RYR2: variants seen among roughly 807,000 people sequenced by gnomAD.
The protein encoded by RYR2 is cardiac muscle ryanodine receptor-calcium release channel.
A neutral mutation model predicts 601.1 loss-of-function variants in RYR2; 227 were observed. The ratio of observed to expected loss-of-function variants is 0.38; its 90% CI spans 0.34 to 0.42. The LOEUF is 0.42. Ranked by LOEUF, RYR2 falls within the 10% of genes least tolerant of loss-of-function variation. The probability of loss-of-function intolerance (pLI) is 1.00; values close to 1 mark genes in which losing one functional copy is unlikely to be tolerated. For synonymous variants in RYR2, 2,223 were observed against 2,175.1 expected (o/e 1.02, Z -0.61); for missense variants, 4,646 against 6,156.5 (o/e 0.75, Z 8.21).
intron 10 of RYR2, among the ~76,000 whole-genome samples, chr1:237,406,197 TCCCTCCCCTCCCTTC>T (rs1703871383): frequency 2.3e-5 from 1 of 43,978 alleles, no homozygotes; most frequent in Non-Finnish European, 3.8e-5. Flanking sequence ...CCCCTTCCCT[TCCCTCCCCTCCCTTC>T]CCCTCCCCTC....
At chr1:237,150,494 G>A (rs532244986) in intron 1 of RYR2, among the ~76,000 whole-genome samples, 18 of 152,242 alleles carry the variant, frequency 1.2e-4, no homozygotes, top group African/African-American at 4.3e-4. Context: ...CATGTGGAAA[G>A]CCCCTGAAGA....
chr1:237,657,930 T>C lies in RYR2; in HGVS notation c.8130-14T>C. 1 of 1,408,396 alleles carries C rather than the reference T, an allele frequency of 7.1e-7. No homozygotes were observed. Among genetic ancestry groups the C allele is most frequent in the Non-Finnish European group, 9.6e-7 (1 of 1,037,648 alleles). 87.2% of individuals were successfully genotyped at this position (1,408,396 alleles called of 1,614,324 possible). ...TGTGAAAATCAAGCTCTTTTGTCTT[T>C]ACTTTTCTCATAGTATTACAATTCC... On this transcript the variant is annotated splice_polypyrimidine_tract_variant and intron_variant, in intron 53 of 104. Coordinates refer to ENST00000366574, the MANE Select transcript of RYR2 (RefSeq NM_001035.3).
chr1:237,178,635 T>A (rs1678350642), intron 1 of RYR2, among the ~76,000 whole-genome samples: 1 of 152,008 alleles, frequency 6.6e-6, no homozygotes, highest in African/African-American at 2.4e-5. Flanking sequence ...AGTGATACCC[T>A]GTCTCTACAA....
At chr1:237,252,719 A>G (rs1360229940) in intron 1 of RYR2, among the ~76,000 whole-genome samples, 5 of 152,176 alleles carry the variant, frequency 3.3e-5, no homozygotes, top group Non-Finnish European at 2.9e-5. Context: ...CCTTGTGACA[A>G]TCCTCTAAGG....
chr1:237,264,953 C>G (rs150466653), intron 1 of RYR2, among the ~76,000 whole-genome samples: 1 of 151,768 alleles, frequency 6.6e-6, no homozygotes, highest in Non-Finnish European at 1.5e-5. Context: ...CCACCTGCCT[C>G]GGCCTCCCAA....
intron 59 of RYR2, 149 bp downstream of exon 59, chr1:237,674,368 A>G: frequency 1.6e-6 from 1 of 635,556 alleles, no homozygotes; most frequent in African/African-American, 1.8e-5. Flanking sequence ...CACATCAGAA[A>G]CATTAACACC....
intron 1 of RYR2, among the ~76,000 whole-genome samples, chr1:237,126,481 C>G (rs558479459): frequency 2.6e-5 from 4 of 152,250 alleles, no homozygotes; most frequent in Admixed American, 2.0e-4. Context: ...AACCTTTTAT[C>G]TCCCTCCCTC....
chr1:237,667,806 T>C (rs905453082), intron 57 of RYR2, 77 bp from the exon 58 acceptor site: 1 of 1,052,650 alleles, frequency 9.5e-7, no homozygotes. Flanking sequence ...TCCTTTACGG[T>C]ATCTAATATT....
Position 237,104,345 on chromosome 1 carries a change from C to T in RYR2, c.48+61776C>T, listed in dbSNP as rs370784736. On this transcript the variant is annotated intron_variant, in intron 1 of 104. Transcript: ENST00000366574. ...AGGACGTTTCCTTTGTTCAGCACCT[C>T]CTCCTGCCTGCCCTTAGGACCATCT... Among the ~76,000 whole-genome samples, 11 of 152,270 alleles carry T rather than the reference C, an allele frequency of 7.2e-5. No homozygotes were observed. In the South Asian group the frequency reaches 2.1e-3, roughly 29 times the overall value.
At chr1:237,596,206 A>G (rs967515028) in intron 34 of RYR2, among the ~76,000 whole-genome samples, 4 of 152,184 alleles carry the variant, frequency 2.6e-5, no homozygotes, top group Non-Finnish European at 5.9e-5. Flanking sequence ...CCCCCTCCCC[A>G]AAATAAATTT....
At chr1:237,576,872 G>T (rs2805403) in intron 29 of RYR2, among the ~76,000 whole-genome samples, 96,574 of 152,078 alleles carry the variant, frequency 0.64, 32,096 homozygotes, top group Non-Finnish European at 0.73. Context: ...GAGATGTTCA[G>T]TATTATTGAT....
At chr1:237,726,994 CTA>C in intron 75 of RYR2, 91 bp from the exon 76 acceptor site, 1 of 728,296 alleles carries the variant, frequency 1.4e-6, no homozygotes, top group Non-Finnish European at 2.5e-6. Flanking sequence ...CTGTTTAATA[CTA>C]TATTTTTGAA....
At chr1:237,732,309 C>A (rs577570248) in intron 78 of RYR2, among the ~76,000 whole-genome samples, 160 bp downstream of exon 78, 2 of 151,998 alleles carry the variant, frequency 1.3e-5, no homozygotes, top group Admixed American at 6.6e-5. Flanking sequence ...ACCTAGGGAC[C>A]GACACTCATT....
chr1:237,363,096 A>G (rs1699914681), intron 4 of RYR2, among the ~76,000 whole-genome samples: 1 of 151,910 alleles, frequency 6.6e-6, no homozygotes, highest in South Asian at 2.1e-4. Flanking sequence ...AAAAAAAAAA[A>G]ATCTCATGAA....
At chr1:237,116,872 T>A (rs1670141587) in intron 1 of RYR2, among the ~76,000 whole-genome samples, 1 of 152,132 alleles carries the variant, frequency 6.6e-6, no homozygotes, top group Non-Finnish European at 1.5e-5. Flanking sequence ...CCACCCACAT[T>A]AGGTAGGGCA....
At chr1:237,587,373 T>A (rs974201556) in intron 29 of RYR2, among the ~76,000 whole-genome samples, 18 of 152,282 alleles carry the variant, frequency 1.2e-4, no homozygotes, top group African/African-American at 3.9e-4. Context: ...AATAAAATTT[T>A]AAAAATGAAA....
intron 27 of RYR2, among the ~76,000 whole-genome samples, chr1:237,564,994 T>G (rs1671821145): frequency 6.6e-6 from 1 of 152,218 alleles, no homozygotes; most frequent in Admixed American, 6.5e-5. Context: ...TAGTTCTAAT[T>G]TGATCATACC....
intron 1 of RYR2, among the ~76,000 whole-genome samples, chr1:237,064,458 C>T (rs982096925): frequency 1.3e-5 from 2 of 151,898 alleles, no homozygotes; most frequent in Admixed American, 6.6e-5. Flanking sequence ...TTTCTCTTTC[C>T]TTTTCTTCCT....
chr1:237,708,810 T>A, intron 68 of RYR2, 48 bp from the exon 69 acceptor site: 1 of 1,519,958 alleles, frequency 6.6e-7, no homozygotes, highest in South Asian at 1.2e-5. Flanking sequence ...ATCATCATGT[T>A]AATGAATGGT....
Sources: gnomAD v4.1 joint callset for allele counts (sites outside exome capture counted in the v4.1 genomes callset) on GRCh38, gnomAD v4.1.1 for gene constraint, MANE v1.5 for transcripts, NCBI Gene and HGNC (gene_info 2026-07-23, HGNC 2026-07-21) for gene names.